The following TRIM46 variants were observed in gnomAD, a reference collection of about 807,000 sequenced individuals.
The protein encoded by TRIM46 is tripartite motif containing 46.
A neutral mutation model predicts 69.7 loss-of-function variants in TRIM46; 17 were observed. The observed-to-expected ratio is 0.24, with a 90% CI of 0.17 to 0.37. The LOEUF (loss-of-function observed/expected upper bound fraction) is 0.37. Among genes scored for constraint, TRIM46 ranks in the 10% least tolerant of loss-of-function variants. TRIM46 has a pLI of 1.00. For missense variants in TRIM46, 675 were observed against 1,025.1 expected, an observed-to-expected ratio of 0.66 and a Z score of 4.66; for synonymous variants, 391 against 429.0, an observed-to-expected ratio of 0.91 and a Z score of 1.09.
At position 155,181,953 on chromosome 1, in the gene TRIM46, C is replaced by T. The variant is rs2147795541; in HGVS notation, c.1690C>T (p.Leu564=). The change falls in exon 9 of 10, where the codon CTG becomes TTG. Residue 564 remains leucine (L), a synonymous_variant. Transcript: ENST00000334634. This position sits in a 1 kb window ranked among gnomAD's most constrained non-coding sequence, Gnocchi z 4.3. ...ACGGAGTGTTCCAGGGCTGCCCCTG[C>T]TGCTGGCTGCTGACCGGCTGCTGAC... ...AVRSVPGLPL[L]LAADRLLTGC... is the part of the protein sequence containing the mutation. 6 of 1,614,100 alleles carry T rather than the reference C, an allele frequency of 3.7e-6. No homozygotes were observed. Among genetic ancestry groups the T allele is most frequent in the Non-Finnish European group, 5.1e-6 (6 of 1,180,026 alleles).
At chr1:155,176,812 C>T (rs1053880765) in intron 3 of TRIM46, 120 bp from the exon 4 acceptor site, 2 of 1,296,558 alleles carry the variant, frequency 1.5e-6, no homozygotes, top group South Asian at 1.3e-5. Flanking sequence ...TGGAGCACCA[C>T]CAGCGGATGT....
At chr1:155,176,811 A>ACCAGCGGATGTCTCCACTCCCATCTTG in intron 3 of TRIM46, 121 bp from the exon 4 acceptor site, 1 of 1,279,382 alleles carries the variant, frequency 7.8e-7, no homozygotes, top group Non-Finnish European at 1.1e-6. Context: ...GTGGAGCACC[A>ACCAGCGGATGTCTCCACTCCCATCTTG]CCAGCGGATG....
Position 155,184,233 on chromosome 1 carries a change from C to G in TRIM46, c.*43C>G. On this transcript the variant is annotated 3_prime_UTR_variant, in exon 10 of 10. Transcript: ENST00000334634. This position sits in a 1 kb window ranked among gnomAD's most constrained non-coding sequence, Gnocchi z 5.6. Reference sequence around the variant, plus strand: ...TGCAGACCTGGGGTCCTCCTGGGCCCTGGCCCCCAAACCTCTTGGCACCCG... The same window carrying G: ...TGCAGACCTGGGGTCCTCCTGGGCCGTGGCCCCCAAACCTCTTGGCACCCG... 1 of 1,519,838 alleles carries G rather than the reference C, an allele frequency of 6.6e-7. No homozygotes were observed. The highest frequency in any genetic ancestry group is 8.8e-7 in the Non-Finnish European group (1 of 1,137,414). The allele number at this position is 1,519,838 out of a possible 1,614,324, so 94.1% of individuals were successfully genotyped here. A position where few individuals can be genotyped will look rare whatever the true frequency, so the allele number is the denominator to read the frequency against.
chr1:155,181,027 G>A lies in TRIM46; in HGVS notation c.1589-825G>A, dbSNP rs185246544. Reference sequence around the variant, plus strand: ...AGGTGGATGGATCACGAGGTCAGGCGTTCAAGACCAGCCTGGCCAACATAG... The same window carrying A: ...AGGTGGATGGATCACGAGGTCAGGCATTCAAGACCAGCCTGGCCAACATAG... On this transcript the variant is annotated intron_variant, in intron 8 of 9. Coordinates refer to ENST00000334634, the MANE Select transcript of TRIM46 (RefSeq NM_025058.5). This position sits in a 1 kb window ranked among gnomAD's most constrained non-coding sequence, Gnocchi z 4.3. Among the ~76,000 whole-genome samples, 340 of 152,252 alleles carry A rather than the reference G, an allele frequency of 2.2e-3. 3 individuals are homozygous for A. The highest frequency in any genetic ancestry group is 6.5e-3 in the Admixed American group (100 of 15,298).
chr1:155,175,141 C>T lies in TRIM46; in HGVS notation c.64-245C>T. 2.2e-6 allele frequency: 3 copies of T among 1,384,910 alleles called. No homozygotes were observed. The highest frequency in any genetic ancestry group is 2.8e-6 in the Non-Finnish European group (3 of 1,072,716). 85.8% of individuals were successfully genotyped at this position (1,384,910 alleles called of 1,614,324 possible). A position where few individuals can be genotyped will look rare whatever the true frequency, so the allele number is the denominator to read the frequency against. ...GGAGAAATGGGGATTGGGCTTGAGG[C>T]TGGAGCAGGCACAAGCTCCAACCGT... On this transcript the variant is annotated intron_variant, in intron 1 of 9. Transcript: ENST00000334634. This position sits in a 1 kb window ranked among gnomAD's most constrained non-coding sequence, Gnocchi z 4.2.
chr1:155,177,189 C>G lies in TRIM46; in HGVS notation c.814-6C>G, dbSNP rs765529274. ...GCTTGATGCCCACCTCTTTCTTCCC[C>G]CTCAGGACAAGCTGACAAAGAGCCT... On this transcript the variant is annotated splice_region_variant and splice_polypyrimidine_tract_variant and intron_variant, in intron 4 of 9. Transcript: ENST00000334634. 1.9e-6 allele frequency: 3 copies of G among 1,614,152 alleles called. No homozygotes were observed. The Admixed American group carries it at 5.0e-5, about 27-fold the overall frequency.
At chr1:155,180,325 G>A in intron 8 of TRIM46, 1 of 311,900 alleles carries the variant, frequency 3.2e-6, no homozygotes, top group Non-Finnish European at 5.8e-6. Flanking sequence ...GGCCAGGCGA[G>A]GTAGCTCATG....
intron 6 of TRIM46, 65 bp from the exon 7 acceptor site, chr1:155,178,427 C>T: frequency 6.2e-7 from 1 of 1,607,448 alleles, no homozygotes; most frequent in South Asian, 1.1e-5. Context: ...GCAAGCAAGA[C>T]AGAATTGAGG....
In TRIM46 at chr1:155,181,227, G is replaced by A. The variant is rs1666152520; in HGVS notation, c.1589-625G>A. Among the ~76,000 whole-genome samples, 1 of 152,194 alleles carries A rather than the reference G, an allele frequency of 6.6e-6. No individual in the cohort carries two copies. The highest frequency in any genetic ancestry group is 2.4e-5 in the African/African-American group (1 of 41,446). ...TGCACTCCAGCCTGGGGAACAGTGTGAGACTCCGTCTCAAAAACATATATA... is the reference window on the plus strand; with the variant it reads ...TGCACTCCAGCCTGGGGAACAGTGTAAGACTCCGTCTCAAAAACATATATA... On this transcript the variant is annotated intron_variant, in intron 8 of 9. Coordinates refer to ENST00000334634, the MANE Select transcript of TRIM46 (RefSeq NM_025058.5). This position sits in a 1 kb window ranked among gnomAD's most constrained non-coding sequence, Gnocchi z 4.3.
chr1:155,182,888 A>G (rs1027504537), intron 9 of TRIM46: 1 of 147,082 alleles, frequency 6.8e-6, no homozygotes, highest in African/African-American at 2.5e-5. Flanking sequence ...TCCCACCTCC[A>G]TAACCCTCCT....
chr1:155,180,475 A>G (rs1571752508), intron 8 of TRIM46: 1 of 429,008 alleles, frequency 2.3e-6, no homozygotes, highest in Non-Finnish European at 4.2e-6. Flanking sequence ...CGTGCCTACA[A>G]TTCCAGCTAC....
At chr1:155,178,739 T>TTGGC in intron 7 of TRIM46, 126 bp downstream of exon 7, 87 of 1,348,064 alleles carry the variant, frequency 6.5e-5, no homozygotes, top group Non-Finnish European at 8.3e-5. Context: ...CAGCCATTCC[T>TTGGC]CCCACCCAGC....
chr1:155,176,746 C>T (rs935906171), intron 3 of TRIM46, among the ~76,000 whole-genome samples, 186 bp from the exon 4 acceptor site: 4 of 152,200 alleles, frequency 2.6e-5, no homozygotes, highest in African/African-American at 9.7e-5. Flanking sequence ...ATGGGCACCG[C>T]CCGGAGACTG....
intron 1 of TRIM46, among the ~76,000 whole-genome samples, chr1:155,174,322 T>C (rs1665429315): frequency 6.6e-6 from 1 of 152,074 alleles, no homozygotes; most frequent in African/African-American, 2.4e-5. Context: ...GGCTGGGGCT[T>C]CAGGGGAAAG....
Position 155,175,690 on chromosome 1 carries a change from A to G in TRIM46, c.325+43A>G. The G allele has an allele frequency of 1.2e-6, 2 of 1,611,798 alleles. No individual in the cohort carries two copies. The highest frequency in any genetic ancestry group is 1.7e-6 in the Non-Finnish European group (2 of 1,179,892). On this transcript the variant is annotated intron_variant, in intron 2 of 9. Coordinates refer to ENST00000334634, the MANE Select transcript of TRIM46 (RefSeq NM_025058.5). This position sits in a 1 kb window ranked among gnomAD's most constrained non-coding sequence, Gnocchi z 4.2. Reference sequence around the variant, plus strand: ...AGGGTGGGGATGGGAACGCTGAGCTATTCATCAGGAAGATGGAAGAAGTCC... The same window carrying G: ...AGGGTGGGGATGGGAACGCTGAGCTGTTCATCAGGAAGATGGAAGAAGTCC...
Position 155,184,834 on chromosome 1 carries a change from G to C in TRIM46, c.*644G>C, listed in dbSNP as rs1666423989. 1 of 153,180 alleles carries C rather than the reference G, an allele frequency of 6.5e-6. No individual in the cohort carries two copies. 9.5% of individuals were successfully genotyped at this position (153,180 alleles called of 1,614,324 possible). On this transcript the variant is annotated 3_prime_UTR_variant, in exon 10 of 10. Transcript: ENST00000334634. This position sits in a 1 kb window ranked among gnomAD's most constrained non-coding sequence, Gnocchi z 5.6. Reference sequence around the variant, plus strand: ...TGAGTCTGGGTGTTCCCATTGGGTTGGGCCAGGCAAGGCCTCTGGTGCCCG... The same window carrying C: ...TGAGTCTGGGTGTTCCCATTGGGTTCGGCCAGGCAAGGCCTCTGGTGCCCG...
Position 155,178,229 on chromosome 1 carries a change from G to T in TRIM46, c.1137G>T (p.Val379=). ...VLKETDQPCF[V]QAAKQLHNRI... ...AGGAAACAGACCAGCCTTGCTTTGT[G>T]CAAGCCGCCAAGCAGCTGCACAACA... is the stretch of plus-strand genomic sequence containing the variant. The change falls in exon 6 of 10, where the codon GTG becomes GTT. Residue 379 remains valine, a synonymous_variant. Transcript: ENST00000334634. The T allele has an allele frequency of 1.9e-6, 3 of 1,606,378 alleles. No individual in the cohort carries two copies. The highest frequency in any genetic ancestry group is 2.6e-6 in the Non-Finnish European group (3 of 1,174,206).
intron 1 of TRIM46, chr1:155,174,801 G>T (rs1665499899): frequency 1.4e-6 from 2 of 1,455,554 alleles, no homozygotes; most frequent in Non-Finnish European, 1.8e-6. Context: ...GCGGGAGAGG[G>T]CGGGAGGGCC....
intron 9 of TRIM46, among the ~76,000 whole-genome samples, chr1:155,183,054 G>A (rs1158461506): frequency 1.3e-5 from 2 of 151,564 alleles, no homozygotes; most frequent in Non-Finnish European, 2.9e-5. Context: ...GGGACTACAG[G>A]CACCCGCCAC....
Sources: allele counts gnomAD v4.1 joint callset (sites outside exome capture counted in the v4.1 genomes callset), GRCh38; gene constraint gnomAD v4.1.1; non-coding constraint Gnocchi (gnomAD v3.1); transcripts MANE v1.5; gene names NCBI Gene and HGNC (gene_info 2026-07-23, HGNC 2026-07-21).